The following CREBZF variants were observed in gnomAD, a reference collection of about 807,000 sequenced individuals.
The protein encoded by CREBZF is CREB/ATF bZIP transcription factor, also known as HCF-binding transcription factor Zhangfei.
In CREBZF, 8 loss-of-function variants were observed where a neutral mutation model predicts 21.1. The ratio of observed to expected loss-of-function variants is 0.38; its 90% CI spans 0.22 to 0.68. The LOEUF is 0.68. CREBZF is among the 30% of genes least tolerant of loss of function. CREBZF has a pLI of 0.51. For missense variants in CREBZF, 518 were observed against 484.3 expected, an observed-to-expected ratio of 1.07 and a Z score of -0.65; for synonymous variants, 270 against 223.3, an observed-to-expected ratio of 1.21 and a Z score of -1.86.
chr11:85,679,501 G>A (rs2082962545), intron 1 of CREBZF, among the ~76,000 whole-genome samples: 1 of 152,162 alleles, frequency 6.6e-6, no homozygotes, highest in Non-Finnish European at 1.5e-5. Flanking sequence ...GATCAGAATG[G>A]CTGATCTACC....
rs1362321753 is a variant in CREBZF at position 85,664,785 on chromosome 11, G to A, written c.91C>T (p.Leu31=). 8.2e-6 allele frequency: 13 copies of A among 1,585,522 alleles called. No homozygotes were observed. The highest frequency in any genetic ancestry group is 2.6e-6 in the Non-Finnish European group (3 of 1,170,094). The change falls in exon 1 of 1, where the codon CTG becomes TTG. Residue 31 remains leucine (L), a synonymous_variant. Coordinates refer to ENST00000527447, the MANE Select transcript of CREBZF (RefSeq NM_001039618.4). The surrounding 1 kb of genome is among the most constrained non-coding windows in gnomAD (Gnocchi z 5.5). ...ESPEPAATCS[L]PSDLTRAAAG... The stretch of plus-strand genomic sequence containing the variant: ...GCAGCCCGGGTCAGGTCAGAGGGCA[G>A]CGAACAAGTTGCAGCCGGCTCCGGG...
At chr11:85,674,433 G>C (rs188365192) in intron 1 of CREBZF, among the ~76,000 whole-genome samples, 64 of 152,308 alleles carry the variant, frequency 4.2e-4, no homozygotes, top group Non-Finnish European at 7.6e-4. Context: ...CCACACTGTA[G>C]ATAGATATGC....
rs767889807 is a variant in CREBZF at position 85,664,773 on chromosome 11, G to C, written c.103C>G (p.Leu35Val). 2 of 1,596,282 alleles carry C rather than the reference G, an allele frequency of 1.3e-6. No homozygotes were observed. Among genetic ancestry groups the C allele is most frequent in the South Asian group, 1.1e-5 (1 of 89,522 alleles). ...TCCTCCCCCGCTGCAGCCCGGGTCA[G>C]GTCAGAGGGCAGCGAACAAGTTGCA... is the stretch of plus-strand genomic sequence containing the variant. ...PAATCSLPSD[L>V]TRAAAGEEET... The change falls in exon 1 of 1, where the codon CTG becomes GTG. Residue 35 changes from leucine (L) to valine (V), a missense_variant. Transcript: ENST00000527447. This position sits in a 1 kb window ranked among gnomAD's most constrained non-coding sequence, Gnocchi z 5.5.
chr11:85,673,111 C>T (rs1033711610), intron 1 of CREBZF, among the ~76,000 whole-genome samples: 1 of 152,112 alleles, frequency 6.6e-6, no homozygotes, highest in Non-Finnish European at 1.5e-5. Context: ...TACGTTTTTG[C>T]AACACAGAAA....
rs551815476 is a variant in CREBZF, at chr11:85,673,103, C to T, written n.148-9502G>A. Among the ~76,000 whole-genome samples, 86 of 152,096 alleles carry T rather than the reference C, an allele frequency of 5.7e-4. 1 individual carries two copies. Among genetic ancestry groups the T allele is most frequent in the Non-Finnish European group, 7.9e-4 (54 of 68,010 alleles). ...TGTGTTTCTTTTGTTTCAGCTTTTA[C>T]GTTTTTGCAACACAGAAAAGCACAT... On this transcript the variant is annotated intron_variant and non_coding_transcript_variant, in intron 1 of 3. Transcript: ENST00000531515.
intron 1 of CREBZF, among the ~76,000 whole-genome samples, chr11:85,675,294 T>G (rs1412690145): frequency 2.0e-5 from 3 of 152,222 alleles, no homozygotes; most frequent in African/African-American, 7.2e-5. Context: ...TTCTAGCTTT[T>G]GACTTAAAGT....
In CREBZF at chr11:85,664,334, C is replaced by T. The variant is rs778359841; in HGVS notation, c.542G>A (p.Ser181Asn). The stretch of plus-strand genomic sequence containing the variant: ...GGACTTTCTCCGCCTCTTTTCGGCG[C>T]TGCCACTGTCACTGCTGCTGCTGCA... ...GGCSSSSDSGSAEKRRRKSPG... is the reference protein window; with the variant it reads ...GGCSSSSDSGNAEKRRRKSPG... Residue 181 changes from serine (S) to asparagine (N), a missense_variant, in exon 1 of 1, where the codon AGC becomes AAC. This residue lies in a region of CREBZF where 396 missense variants were observed against 324.4 expected (regional missense o/e 1.22). Transcript: ENST00000527447. The surrounding 1 kb of genome is among the most constrained non-coding windows in gnomAD (Gnocchi z 5.5). The T allele has an allele frequency of 6.2e-7, 1 of 1,612,548 alleles. No individual in the cohort carries two copies. The highest frequency in any genetic ancestry group is 1.1e-5 in the South Asian group (1 of 91,032).
In CREBZF at chr11:85,663,942, T is replaced by C. The variant is rs2082766209; in HGVS notation, c.934A>G (p.Lys312Glu). ...GDHDYALPVG[K>E]QKQDLLEEDD... ...TCTTCCAGCAGGTCCTGCTTCTGCT[T>C]TCCCACCGGCAGAGCGTAGTCGTGG... Residue 312 changes from lysine (K) to glutamate (E), a missense_variant, in exon 1 of 1, where the codon AAG becomes GAG. Lys to Glu is a moderately conservative substitution (Grantham distance 56, BLOSUM62 1). Transcript: ENST00000527447. 1.9e-6 allele frequency: 3 copies of C among 1,613,856 alleles called. No individual in the cohort carries two copies. Among genetic ancestry groups the C allele is most frequent in the East Asian group, 4.5e-5 (2 of 44,860 alleles).
intron 1 of CREBZF, among the ~76,000 whole-genome samples, chr11:85,673,650 A>C (rs551115293): frequency 6.6e-6 from 1 of 152,340 alleles, no homozygotes; most frequent in East Asian, 1.9e-4. Context: ...AAAATATGAC[A>C]GTAAAGTTTG....
upstream of CREBZF, among the ~76,000 whole-genome samples, chr11:85,668,991 G>C (rs1392942205): frequency 3.3e-5 from 2 of 61,426 alleles, no homozygotes; most frequent in African/African-American, 1.0e-4. Flanking sequence ...GACAGAGCGA[G>C]ACTCCGTCTC....
chr11:85,669,401 T>TACACAC (rs61173351), upstream of CREBZF, among the ~76,000 whole-genome samples: 135 of 148,894 alleles, frequency 9.1e-4, no homozygotes, highest in Non-Finnish European at 1.4e-3. Flanking sequence ...TCAGTCATTC[T>TACACAC]ACACACACAC....
At position 85,660,770 on chromosome 11, in the gene CREBZF, G is replaced by A. The variant is rs2082650578; in HGVS notation, c.*3041C>T. ...AAGTGCAGAAACAGTAAGTCAATAT[G>A]ATAGAAATAGTAGGTCAAAATATGA... is the stretch of plus-strand genomic sequence containing the variant. On this transcript the variant is annotated 3_prime_UTR_variant, in exon 1 of 1. Transcript: ENST00000527447. 1 of 299,738 alleles carries A rather than the reference G, an allele frequency of 3.3e-6. No individual in the cohort carries two copies. Among genetic ancestry groups the A allele is most frequent in the Admixed American group, 4.8e-5 (1 of 20,682 alleles). The allele number at this position is 299,738 out of a possible 1,614,324, so 18.6% of individuals were successfully genotyped here.
At chr11:85,675,706 G>A (rs2082937924) in intron 1 of CREBZF, among the ~76,000 whole-genome samples, 1 of 152,104 alleles carries the variant, frequency 6.6e-6, no homozygotes, top group Admixed American at 6.6e-5. Context: ...TGTAAAAAAT[G>A]CCATATACGT....
At chr11:85,679,704 C>T (rs924390717) in intron 1 of CREBZF, among the ~76,000 whole-genome samples, 2 of 152,142 alleles carry the variant, frequency 1.3e-5, no homozygotes, top group African/African-American at 2.4e-5. Flanking sequence ...TCTTTAGGGA[C>T]GAAAAAGATA....
At chr11:85,674,749 G>C (rs1471576476) in intron 1 of CREBZF, among the ~76,000 whole-genome samples, 1 of 152,222 alleles carries the variant, frequency 6.6e-6, no homozygotes. Context: ...ATCTCAGCTG[G>C]ATCTTCTGGA....
chr11:85,679,059 G>A (rs1214518821), intron 1 of CREBZF, among the ~76,000 whole-genome samples: 1 of 152,228 alleles, frequency 6.6e-6, no homozygotes, highest in Non-Finnish European at 1.5e-5. Flanking sequence ...AATCTCTTGA[G>A]TCTATTTGGA....
chr11:85,676,646 T>A (rs1193535699), intron 1 of CREBZF, among the ~76,000 whole-genome samples: 1 of 151,742 alleles, frequency 6.6e-6, no homozygotes, highest in Non-Finnish European at 1.5e-5. Flanking sequence ...TTTTTTTTTC[T>A]TTTTTTTCGA....
intron 1 of CREBZF, among the ~76,000 whole-genome samples, chr11:85,676,063 T>C (rs2082940323): frequency 6.6e-6 from 1 of 152,258 alleles, no homozygotes; most frequent in Non-Finnish European, 1.5e-5. Context: ...TAATCTGGAA[T>C]ATATTTTATT....
rs2082779422 is a variant in CREBZF, at chr11:85,664,225, A to G, written c.651T>C (p.Ala217=). The G allele has an allele frequency of 6.2e-7, 1 of 1,612,828 alleles. No homozygotes were observed. The highest frequency in any genetic ancestry group is 8.5e-7 in the Non-Finnish European group (1 of 1,179,820). ...TKSPRKAAAA[A]ARLNRLKKKE... is the part of the protein sequence containing the mutation. ...TCTTCTTCAGTCGATTAAGGCGGGC[A>G]GCGGCCGCCGCCGCCTTCCGGGGAC... The change falls in exon 1 of 1, where the codon GCT becomes GCC. Residue 217 remains alanine (A), a synonymous_variant. Coordinates refer to ENST00000527447, the MANE Select transcript of CREBZF (RefSeq NM_001039618.4). This position sits in a 1 kb window ranked among gnomAD's most constrained non-coding sequence, Gnocchi z 5.5.
Sources: allele counts gnomAD v4.1 joint callset (sites outside exome capture counted in the v4.1 genomes callset), GRCh38; gene constraint gnomAD v4.1.1; regional missense constraint gnomAD v4.1.1; non-coding constraint Gnocchi (gnomAD v3.1); transcripts MANE v1.5; gene names NCBI Gene and HGNC (gene_info 2026-07-23, HGNC 2026-07-21).